The following GSE1 variants were observed in gnomAD, a reference collection of about 807,000 sequenced individuals.
The protein encoded by GSE1 is genetic suppressor element 1.
In GSE1, 32 loss-of-function variants were observed where a neutral mutation model predicts 112.6. The ratio of observed to expected loss-of-function variants is 0.28; its 90% confidence interval spans 0.21 to 0.38. The LOEUF is 0.38. Ranked by LOEUF, GSE1 falls within the 10% of genes least tolerant of loss-of-function variation. The probability of loss-of-function intolerance (pLI) is 1.00; values close to 1 mark genes in which losing one functional copy is unlikely to be tolerated. For missense variants in GSE1, 2,348 were observed against 1,699.2 expected, an observed-to-expected ratio of 1.38 and a Z score of -6.71; for synonymous variants, 1,115 against 735.6, an observed-to-expected ratio of 1.52 and a Z score of -8.35.
chr16:85,447,415 T>G (rs1400424971), intron 2 of GSE1, among the ~76,000 whole-genome samples: 1 of 152,158 alleles, frequency 6.6e-6, no homozygotes, highest in Non-Finnish European at 1.5e-5. Context: ...GCAGATGACC[T>G]CTCTGGACTT....
intron 2 of GSE1, among the ~76,000 whole-genome samples, chr16:85,381,913 G>A (rs59474753): frequency 0.016 from 2,500 of 152,284 alleles, 69 homozygotes; most frequent in African/African-American, 0.056. Flanking sequence ...GCATCTCACC[G>A]GGCTGGGGCC....
chr16:85,185,873 C>T (rs2074689466), intron 1 of GSE1, among the ~76,000 whole-genome samples: 1 of 152,188 alleles, frequency 6.6e-6, no homozygotes. Flanking sequence ...GCTGGGAGGG[C>T]CGTTGTCTAG....
intron 2 of GSE1, among the ~76,000 whole-genome samples, chr16:85,646,572 G>A (rs754712448): frequency 6.6e-6 from 1 of 152,232 alleles, no homozygotes; most frequent in Non-Finnish European, 1.5e-5. Flanking sequence ...GTTGGGTGCT[G>A]TGTGTGCCTC....
At chr16:85,268,095 G>A (rs747392492) in intron 1 of GSE1, among the ~76,000 whole-genome samples, 7 of 152,162 alleles carry the variant, frequency 4.6e-5, no homozygotes, top group Non-Finnish European at 8.8e-5. Context: ...TATGCCCACT[G>A]CTGAGCGGTC....
At chr16:85,594,838 G>T (rs1363638298) in intron 1 of GSE1, 1 of 152,374 alleles carries the variant, frequency 6.6e-6, no homozygotes, top group Non-Finnish European at 1.5e-5. Flanking sequence ...CCCGCTCCCG[G>T]GGAGGGCGCC....
chr16:85,651,856 C>T (rs1031736236), intron 3 of GSE1, among the ~76,000 whole-genome samples: 2 of 152,242 alleles, frequency 1.3e-5, no homozygotes, highest in African/African-American at 4.8e-5. Flanking sequence ...AGCTTTAGGC[C>T]TGGTGTTCAT....
At position 85,170,127 on chromosome 16, in the gene GSE1, A is replaced by T. The variant is rs145873908; in HGVS notation, c.603A>T (p.Pro201=). Residue 201 remains proline, a synonymous_variant, in exon 1 of 3, where the codon CCA becomes CCT. Transcript: ENST00000637419. Reference sequence around the variant, plus strand: ...CCAGCCCCCACCAGGACGGGGCCCCAGGGCCAGGGCCTCGCGGGGGGCGCG... The same window carrying T: ...CCAGCCCCCACCAGGACGGGGCCCCTGGGCCAGGGCCTCGCGGGGGGCGCG... The T allele has an allele frequency of 4.4e-3, 4,341 of 985,114 alleles. 128 individuals are homozygous for T. The African/African-American group carries it at 0.067, about 15-fold the overall frequency. 61.0% of individuals were successfully genotyped at this position (985,114 alleles called of 1,614,324 possible).
In GSE1 at chr16:85,512,127, G is replaced by A. The variant is rs112181017; in HGVS notation, c.2465-121787G>A. Reference sequence around the variant, plus strand: ...CAAGGTGTAAGGAGCACTGTTCTGCGAGTCCACAGCCTGGCTGGGCCCACC... The same window carrying A: ...CAAGGTGTAAGGAGCACTGTTCTGCAAGTCCACAGCCTGGCTGGGCCCACC... On this transcript the variant is annotated intron_variant, in intron 2 of 2. Coordinates refer to the GSE1 transcript ENST00000637419. Among the ~76,000 whole-genome samples, 1,134 of 152,280 alleles carry A rather than the reference G, an allele frequency of 7.4e-3. 9 individuals are homozygous for A. Among genetic ancestry groups the A allele is most frequent in the African/African-American group, 0.017 (722 of 41,548 alleles).
At chr16:85,507,127 G>A (rs1262240448) in intron 2 of GSE1, among the ~76,000 whole-genome samples, 1 of 152,190 alleles carries the variant, frequency 6.6e-6, no homozygotes, top group Non-Finnish European at 1.5e-5. Context: ...TCCATCAGCG[G>A]GCGTCGTCGA....
intron 1 of GSE1, among the ~76,000 whole-genome samples, chr16:85,281,109 AC>A (rs1419563580): frequency 6.6e-6 from 1 of 152,112 alleles, no homozygotes; most frequent in East Asian, 1.9e-4. Flanking sequence ...AAGCAAATGA[AC>A]CCACGATGCA....
At chr16:85,352,693 C>G (rs898226851) in intron 1 of GSE1, among the ~76,000 whole-genome samples, 2 of 152,214 alleles carry the variant, frequency 1.3e-5, no homozygotes, top group African/African-American at 2.4e-5. Flanking sequence ...GAACTTTTGT[C>G]TCCACCTTCA....
chr16:85,614,938 C>T (rs529565690), intron 1 of GSE1, among the ~76,000 whole-genome samples: 25 of 151,904 alleles, frequency 1.6e-4, no homozygotes, highest in African/African-American at 6.0e-4. Context: ...TTCCAGGCGG[C>T]GGGGGACAAA....
intron 2 of GSE1, among the ~76,000 whole-genome samples, chr16:85,644,511 T>C (rs2050695471): frequency 6.6e-6 from 1 of 152,072 alleles, no homozygotes; most frequent in South Asian, 2.1e-4. Flanking sequence ...TCTTAGGTGC[T>C]GCAATGTGGA....
At position 85,188,348 on chromosome 16, in the gene GSE1, A is replaced by G. The variant is rs1009959516; in HGVS notation, c.2283+16541A>G. Among the ~76,000 whole-genome samples, 5 of 152,176 alleles carry G rather than the reference A, an allele frequency of 3.3e-5. No individual in the cohort carries two copies. The East Asian group carries it at 9.6e-4, about 29-fold the overall frequency. ...TGTGTCACAGGCTGTAGTACATAGT[A>G]TGTGCTCAATTAATGTTGGCTCTTA... On this transcript the variant is annotated intron_variant, in intron 1 of 2. Coordinates refer to the GSE1 transcript ENST00000637419.
chr16:85,463,914 C>T (rs2050051124), intron 2 of GSE1, among the ~76,000 whole-genome samples: 1 of 152,170 alleles, frequency 6.6e-6, no homozygotes, highest in African/African-American at 2.4e-5. Context: ...GGAGAGAAGC[C>T]TTCCATGAAC....
At chr16:85,252,179 G>A (rs190787094) in intron 1 of GSE1, among the ~76,000 whole-genome samples, 21 of 152,332 alleles carry the variant, frequency 1.4e-4, no homozygotes, top group South Asian at 8.3e-4. Flanking sequence ...CCGCTGCCTG[G>A]GAATCTGCTC....
chr16:85,341,288 C>T (rs939780266), intron 1 of GSE1, among the ~76,000 whole-genome samples: 8 of 152,196 alleles, frequency 5.3e-5, no homozygotes, highest in African/African-American at 1.4e-4. Context: ...CTCCTGGCCT[C>T]AAGTGATCCT....
At chr16:85,655,978 C>T (rs772234076) in intron 6 of GSE1, 61 bp downstream of exon 6, 30 of 1,389,832 alleles carry the variant, frequency 2.2e-5, no homozygotes, top group South Asian at 3.9e-5. Flanking sequence ...GGCAGCTGGG[C>T]AGAAAGCCTG....
intron 2 of GSE1, among the ~76,000 whole-genome samples, chr16:85,462,806 G>T (rs1402496257): frequency 6.9e-6 from 1 of 144,588 alleles, no homozygotes; most frequent in African/African-American, 2.5e-5. Flanking sequence ...GAAGCCGGGG[G>T]CGCGGGGCCG....
Sources: allele counts gnomAD v4.1 joint callset (sites outside exome capture counted in the v4.1 genomes callset), GRCh38; gene constraint gnomAD v4.1.1; transcripts MANE v1.5; gene names NCBI Gene and HGNC (gene_info 2026-07-23, HGNC 2026-07-21).